FARS2: variants seen among roughly 807,000 people sequenced by gnomAD.
FARS2 encodes the protein phenylalanine--tRNA ligase, mitochondrial.
Under a neutral mutation model 46.4 loss-of-function variants are expected in FARS2, and 40 were observed. The ratio of observed to expected loss-of-function variants is 0.86; its 90% confidence interval spans 0.67 to 1.12. The LOEUF is 1.12. FARS2 is among the 50% of genes most tolerant of loss of function. FARS2 has a pLI of 0.00. For missense variants in FARS2, 513 were observed against 567.9 expected, an observed-to-expected ratio of 0.90 and a Z score of 0.98; for synonymous variants, 234 against 214.9, an observed-to-expected ratio of 1.09 and a Z score of -0.78.
intron 5 of FARS2, among the ~76,000 whole-genome samples, chr6:5,568,336 A>G (rs1772438966): frequency 1.3e-5 from 2 of 152,180 alleles, no homozygotes; most frequent in Non-Finnish European, 2.9e-5. Context: ...GTGACATTCA[A>G]CAGGATTTAT....
intron 2 of FARS2, among the ~76,000 whole-genome samples, chr6:5,381,654 G>A (rs1317315156): frequency 6.6e-6 from 1 of 152,116 alleles, no homozygotes; most frequent in Non-Finnish European, 1.5e-5. Context: ...CTTCTTTTGG[G>A]TCACATTGCC....
At chr6:5,529,383 C>T (rs1769676146) in intron 4 of FARS2, among the ~76,000 whole-genome samples, 1 of 152,200 alleles carries the variant, frequency 6.6e-6, no homozygotes, top group Non-Finnish European at 1.5e-5. Flanking sequence ...TCTCGGCGCA[C>T]TGCAACCTCC....
intron 1 of FARS2, among the ~76,000 whole-genome samples, chr6:5,298,238 C>T (rs1024865854): frequency 1.3e-5 from 2 of 152,192 alleles, no homozygotes; most frequent in Non-Finnish European, 2.9e-5. Context: ...CTCTCTGTCT[C>T]CACTGCTTCT....
At chr6:5,693,441 G>A (rs1308334543) in intron 6 of FARS2, among the ~76,000 whole-genome samples, 1 of 152,228 alleles carries the variant, frequency 6.6e-6, no homozygotes, top group East Asian at 1.9e-4. Flanking sequence ...CTGCTGAGCA[G>A]GATATTAATG....
intron 5 of FARS2, among the ~76,000 whole-genome samples, chr6:5,566,503 G>A (rs963935573): frequency 2.0e-5 from 3 of 152,078 alleles, no homozygotes; most frequent in Admixed American, 6.6e-5. Flanking sequence ...CCCAAAACAG[G>A]GTTTGTGATG....
At chr6:5,733,919 A>G (rs1038184961) in intron 6 of FARS2, among the ~76,000 whole-genome samples, 1 of 152,216 alleles carries the variant, frequency 6.6e-6, no homozygotes. Context: ...TAGCCTTGCT[A>G]TTGCAGTTGT....
intron 1 of FARS2, among the ~76,000 whole-genome samples, chr6:5,289,480 C>T (rs1400584570): frequency 6.6e-6 from 1 of 152,196 alleles, no homozygotes; most frequent in African/African-American, 2.4e-5. Context: ...GTTTAAATAC[C>T]CTCTAGAGGG....
chr6:5,546,682 T>C (rs1321869730), intron 5 of FARS2, among the ~76,000 whole-genome samples: 1 of 152,026 alleles, frequency 6.6e-6, no homozygotes, highest in Non-Finnish European at 1.5e-5. Context: ...TTTCTTTTCC[T>C]GTGTGCTTTA....
At chr6:5,755,169 AATT>A (rs1329882402) in intron 6 of FARS2, among the ~76,000 whole-genome samples, 3 of 152,088 alleles carry the variant, frequency 2.0e-5, no homozygotes, top group Non-Finnish European at 4.4e-5. Flanking sequence ...CTCATTTTTA[AATT>A]ATATTTTTAT....
At chr6:5,537,408 TGTTGGAGATGTCCCAGGCCTCCTCTCGA>T (rs1561694573) in intron 4 of FARS2, among the ~76,000 whole-genome samples, 4 of 151,726 alleles carry the variant, frequency 2.6e-5, no homozygotes, top group Admixed American at 6.6e-5. Context: ...GCTGCGCTCC[TGTTGGAGATGTCCCAGGCCTCCTCTCGA>T]GTTGGAGATG....
At chr6:5,740,815 T>A (rs1043482265) in intron 6 of FARS2, among the ~76,000 whole-genome samples, 25 of 152,194 alleles carry the variant, frequency 1.6e-4, no homozygotes, top group African/African-American at 5.8e-4. Context: ...CACTCCAGGA[T>A]CCGTGTTGTA....
intron 5 of FARS2, among the ~76,000 whole-genome samples, chr6:5,585,479 C>T (rs1302855838): frequency 6.6e-6 from 1 of 152,060 alleles, no homozygotes; most frequent in Admixed American, 6.6e-5. Flanking sequence ...CCCATTCCCC[C>T]ACCCCCATCC....
chr6:5,394,256 G>A (rs1760759228), intron 2 of FARS2, among the ~76,000 whole-genome samples: 1 of 152,138 alleles, frequency 6.6e-6, no homozygotes, highest in South Asian at 2.1e-4. Context: ...TTCAGTTAAT[G>A]GCAGACCTCA....
intron 1 of FARS2, among the ~76,000 whole-genome samples, chr6:5,358,022 C>T (rs1758047270): frequency 6.6e-6 from 1 of 152,076 alleles, no homozygotes; most frequent in Non-Finnish European, 1.5e-5. Flanking sequence ...AGTCAAGAGC[C>T]AGGAGTTTAT....
chr6:5,743,420 G>C (rs1202101705), intron 6 of FARS2, among the ~76,000 whole-genome samples: 2 of 152,194 alleles, frequency 1.3e-5, no homozygotes, highest in African/African-American at 4.8e-5. Flanking sequence ...TCACCTTCCT[G>C]ACAGCAGCTG....
intron 1 of FARS2, among the ~76,000 whole-genome samples, chr6:5,322,568 C>CT (rs1004129876): frequency 6.6e-6 from 1 of 151,984 alleles, no homozygotes; most frequent in Non-Finnish European, 1.5e-5. Context: ...TATTCTTTTT[C>CT]TTTTTTTGGT....
intron 2 of FARS2, among the ~76,000 whole-genome samples, chr6:5,372,356 ATATG>A (rs2127651630): frequency 6.6e-6 from 1 of 152,286 alleles, no homozygotes; most frequent in East Asian, 1.9e-4. Flanking sequence ...ACACAATTAT[ATATG>A]TATATGTGTA....
chr6:5,606,003 A>G (rs1375695819), intron 5 of FARS2, among the ~76,000 whole-genome samples: 2 of 152,202 alleles, frequency 1.3e-5, no homozygotes, highest in Non-Finnish European at 2.9e-5. Context: ...CCCAGAATGC[A>G]GCACAGACAC....
chr6:5,439,913 GCCCATT>G (rs1763745703), intron 4 of FARS2, among the ~76,000 whole-genome samples: 1 of 151,904 alleles, frequency 6.6e-6, no homozygotes, highest in African/African-American at 2.4e-5. Context: ...CCCTTTTAGT[GCCCATT>G]CAGAAAAGCA....
Sources: allele counts gnomAD v4.1 joint callset (sites outside exome capture counted in the v4.1 genomes callset), GRCh38; gene constraint gnomAD v4.1.1; transcripts MANE v1.5; gene names NCBI Gene and HGNC (gene_info 2026-07-23, HGNC 2026-07-21).